SFMBT2: variants seen among roughly 807,000 people sequenced by gnomAD.
The protein encoded by SFMBT2 is scm-like with four MBT domains protein 2.
SFMBT2 carries 38 observed loss-of-function variants against 110.1 expected under a neutral mutation model. The ratio of observed to expected loss-of-function variants is 0.35; its 90% CI spans 0.27 to 0.45. SFMBT2 has a LOEUF of 0.45. Ranked by LOEUF, SFMBT2 falls within the 20% of genes least tolerant of loss-of-function variation. The pLI is 1.00. For missense variants in SFMBT2, 1,011 were observed against 1,094.9 expected (o/e 0.92, Z 1.08); for synonymous variants, 425 against 425.4 (o/e 1.00, Z 0.01).
chr10:7,195,579 AG>A (rs957194732), intron 15 of SFMBT2, among the ~76,000 whole-genome samples: 4 of 152,190 alleles, frequency 2.6e-5, no homozygotes. Flanking sequence ...AACACGAACA[AG>A]GGCCCTTTCT....
intron 16 of SFMBT2, among the ~76,000 whole-genome samples, chr10:7,184,141 T>C (rs1409191668): frequency 6.6e-6 from 1 of 152,180 alleles, no homozygotes; most frequent in Non-Finnish European, 1.5e-5. Flanking sequence ...GAGAGAGGAA[T>C]ATGGGATGAT....
intron 4 of SFMBT2, among the ~76,000 whole-genome samples, chr10:7,324,418 T>A (rs1588449230): frequency 1.3e-5 from 2 of 152,156 alleles, no homozygotes; most frequent in East Asian, 1.9e-4. Flanking sequence ...GAGCCAGAAG[T>A]AAAAAGAGAA....
At chr10:7,366,562 G>T (rs1564460708) in intron 4 of SFMBT2, among the ~76,000 whole-genome samples, 1 of 152,096 alleles carries the variant, frequency 6.6e-6, no homozygotes, top group Non-Finnish European at 1.5e-5. Flanking sequence ...GATGAAAACA[G>T]GCAGCTAGCT....
At chr10:7,191,812 A>G (rs1053480918) in intron 15 of SFMBT2, among the ~76,000 whole-genome samples, 4 of 152,186 alleles carry the variant, frequency 2.6e-5, no homozygotes, top group Non-Finnish European at 5.9e-5. Context: ...TTTTTGAATT[A>G]GTTCAATAAT....
At position 7,367,068 on chromosome 10, in the gene SFMBT2, CTT is replaced by C. The variant is rs1203495101; in HGVS notation, c.436+579_436+580del. On this transcript the variant is annotated intron_variant, in intron 4 of 20. Coordinates refer to ENST00000397167, the MANE Select transcript of SFMBT2 (RefSeq NM_001387889.1). The surrounding 1 kb of genome is among the most constrained non-coding windows in gnomAD (Gnocchi z 6.2). ...CTCATCTGTATGGTTTTCTTTCTTT[CTT>C]TTTTTTTTTTTAATTATACCTTAAG... is the stretch of plus-strand genomic sequence containing the variant. 4.2e-5 allele frequency among the ~76,000 whole-genome samples: 6 copies of C among 143,470 alleles called. No homozygotes were observed. The highest frequency in any genetic ancestry group is 2.1e-4 in the Admixed American group (3 of 14,322). The allele number at this position is 143,470 out of a possible 152,430, so 94.1% of individuals were successfully genotyped here.
At position 7,159,648 on chromosome 10, in the gene SFMBT2, C is replaced by T. The variant is rs930772729; in HGVS notation, c.*4122G>A. On this transcript the variant is annotated 3_prime_UTR_variant, in exon 21 of 21. Transcript: ENST00000397167. ...GTTGCCTTTCAAATAATTGCACGCA[C>T]GATCACAGCTTTCTAAAGACAGAAG... is the stretch of plus-strand genomic sequence containing the variant. 7.2e-5 allele frequency: 11 copies of T among 152,050 alleles called. No individual in the cohort carries two copies. The highest frequency in any genetic ancestry group is 5.8e-4 in the East Asian group (3 of 5,188). 9.4% of individuals were successfully genotyped at this position (152,050 alleles called of 1,614,324 possible).
chr10:7,249,069 C>T, intron 7 of SFMBT2: 2 of 978,026 alleles, frequency 2.0e-6, no homozygotes, highest in Non-Finnish European at 2.4e-6. Flanking sequence ...CAAGGTCTGC[C>T]ACCACCTCCC....
At position 7,276,817 on chromosome 10, in the gene SFMBT2, C is replaced by T. The variant is rs1353701324; in HGVS notation, c.870+75G>A. 1.8e-5 allele frequency: 14 copies of T among 777,348 alleles called. 1 individual carries two copies. Among genetic ancestry groups the T allele is most frequent in the South Asian group, 1.2e-4 (9 of 72,072 alleles). The allele number at this position is 777,348 out of a possible 1,614,324, so 48.2% of individuals were successfully genotyped here. A position where few individuals can be genotyped will look rare whatever the true frequency, so the allele number is the denominator to read the frequency against. On this transcript the variant is annotated intron_variant, in intron 7 of 20. Transcript: ENST00000397167. Reference sequence around the variant, plus strand: ...CTGGGATTACAGGCATGAGCCACTGCGCCCGGCCGGAAAACTTTGTAGATG... The same window carrying T: ...CTGGGATTACAGGCATGAGCCACTGTGCCCGGCCGGAAAACTTTGTAGATG...
At chr10:7,244,239 A>AC (rs2131721492) in intron 8 of SFMBT2, 2 of 243,688 alleles carry the variant, frequency 8.2e-6, no homozygotes, top group African/African-American at 4.6e-5. Flanking sequence ...GACTACAACA[A>AC]CCCCCAATGC....
chr10:7,392,536 C>A (rs1041104317), intron 1 of SFMBT2, among the ~76,000 whole-genome samples: 3 of 152,094 alleles, frequency 2.0e-5, no homozygotes, highest in Admixed American at 2.0e-4. Context: ...AAAATAGTAT[C>A]CTGCCACTGT....
At chr10:7,308,246 C>A (rs1408816721) in intron 4 of SFMBT2, among the ~76,000 whole-genome samples, 1 of 152,024 alleles carries the variant, frequency 6.6e-6, no homozygotes. Context: ...CTAGTCCCAG[C>A]TTCTTGAGAG....
chr10:7,199,057 C>G (rs185503774), intron 14 of SFMBT2, among the ~76,000 whole-genome samples: 6 of 152,296 alleles, frequency 3.9e-5, no homozygotes, highest in Non-Finnish European at 8.8e-5. Context: ...CAGCTCACTG[C>G]AACCTCCACC....
chr10:7,184,531 G>C (rs551148887), intron 16 of SFMBT2, among the ~76,000 whole-genome samples: 1 of 151,914 alleles, frequency 6.6e-6, no homozygotes, highest in African/African-American at 2.4e-5. Flanking sequence ...CTTTATCAGC[G>C]GCATGAAAAT....
intron 2 of SFMBT2, among the ~76,000 whole-genome samples, chr10:7,380,372 C>A (rs1271625296): frequency 6.6e-6 from 1 of 152,208 alleles, no homozygotes. Flanking sequence ...CACAGTAAGG[C>A]CTTCCCTCAT....
At chr10:7,241,801 T>G (rs1840438509) in intron 9 of SFMBT2, among the ~76,000 whole-genome samples, 1 of 152,226 alleles carries the variant, frequency 6.6e-6, no homozygotes, top group African/African-American at 2.4e-5. Context: ...CTTAAAATTC[T>G]GAAAACATTG....
At chr10:7,175,054 G>C (rs543683526) in intron 17 of SFMBT2, among the ~76,000 whole-genome samples, 1 of 152,386 alleles carries the variant, frequency 6.6e-6, no homozygotes, top group South Asian at 2.1e-4. Flanking sequence ...CCTGGTTCCA[G>C]CACCCATGTT....
At position 7,180,143 on chromosome 10, in the gene SFMBT2, G is replaced by C. The variant is rs542500254; in HGVS notation, c.1809-3978C>G. On this transcript the variant is annotated intron_variant, in intron 16 of 20. Transcript: ENST00000397167. ...GTTTGCTTTTTTTTGCTTTTTTTGAGACAGGGTCTCACTTAGTCATCCAGG... is the reference window on the plus strand; with the variant it reads ...GTTTGCTTTTTTTTGCTTTTTTTGACACAGGGTCTCACTTAGTCATCCAGG... Among the ~76,000 whole-genome samples, 7 of 146,886 alleles carry C rather than the reference G, an allele frequency of 4.8e-5. No homozygotes were observed. The South Asian group carries it at 1.3e-3, about 27-fold the overall frequency.
At chr10:7,228,881 C>G (rs12414626) in intron 9 of SFMBT2, among the ~76,000 whole-genome samples, 42,274 of 150,774 alleles carry the variant, frequency 0.28, 6,179 homozygotes, top group South Asian at 0.4. Flanking sequence ...AGACAGGAGA[C>G]GAGGTGAGAG....
chr10:7,350,825 C>G (rs1844289846), intron 4 of SFMBT2, among the ~76,000 whole-genome samples: 1 of 152,162 alleles, frequency 6.6e-6, no homozygotes, highest in Non-Finnish European at 1.5e-5. Context: ...TGGTAGACAC[C>G]AAAGAAATTT....
Sources: gnomAD v4.1 joint callset for allele counts (sites outside exome capture counted in the v4.1 genomes callset) on GRCh38, gnomAD v4.1.1 for gene constraint, Gnocchi (gnomAD v3.1) non-coding constraint, MANE v1.5 for transcripts, NCBI Gene and HGNC (gene_info 2026-07-23, HGNC 2026-07-21) for gene names.